Variants in KLHL3 observed in about 807,000 individuals in gnomAD.
KLHL3 encodes kelch-like protein 3.
KLHL3 carries 19 observed loss-of-function variants against 70.5 expected under a neutral mutation model. The observed-to-expected ratio is 0.27, with a 90% CI of 0.19 to 0.40. KLHL3 has a LOEUF of 0.40. Ranked by LOEUF, KLHL3 falls within the 10% of genes least tolerant of loss-of-function variation. The pLI is 1.00. For missense variants in KLHL3, 512 were observed against 771.1 expected (o/e 0.66, Z 3.98); for synonymous variants, 258 against 290.3 (o/e 0.89, Z 1.13).
At chr5:137,622,591 T>C (rs1377702041) in intron 14 of KLHL3, among the ~76,000 whole-genome samples, 1 of 152,252 alleles carries the variant, frequency 6.6e-6, no homozygotes, top group African/African-American at 2.4e-5. Context: ...ATTCCATTCC[T>C]AGCTCTGCCA....
chr5:137,688,815 G>T (rs1580763476), intron 5 of KLHL3, among the ~76,000 whole-genome samples: 2 of 152,216 alleles, frequency 1.3e-5, no homozygotes, highest in South Asian at 2.1e-4. Flanking sequence ...TTAGCATAGG[G>T]TATGACCCAA....
At chr5:137,706,013 G>A in intron 3 of KLHL3, 1 of 985,404 alleles carries the variant, frequency 1.0e-6, no homozygotes, top group Non-Finnish European at 1.2e-6. Flanking sequence ...TTATAGACTG[G>A]TTGGATTGGG....
At chr5:137,657,987 A>G in intron 8 of KLHL3, 144 bp downstream of exon 8, 1 of 727,976 alleles carries the variant, frequency 1.4e-6, no homozygotes, top group Non-Finnish European at 2.3e-6. Flanking sequence ...ATTCAAGAGG[A>G]ACCAGCAGAC....
intron 12 of KLHL3, among the ~76,000 whole-genome samples, chr5:137,632,827 C>T (rs1750670611): frequency 6.6e-6 from 1 of 152,102 alleles, no homozygotes; most frequent in Admixed American, 6.6e-5. Flanking sequence ...AAAACAACCC[C>T]ATTAAAAAGC....
chr5:137,722,173 T>C (rs1194831217), intron 1 of KLHL3, among the ~76,000 whole-genome samples: 1 of 152,244 alleles, frequency 6.6e-6, no homozygotes, highest in African/African-American at 2.4e-5. Context: ...GAGGCTTCTA[T>C]GCTTTAGAGT....
chr5:137,713,771 A>ATG (rs1396823386), intron 2 of KLHL3, among the ~76,000 whole-genome samples: 3 of 152,220 alleles, frequency 2.0e-5, no homozygotes, highest in Admixed American at 6.5e-5. Context: ...ATTTTTTGCA[A>ATG]ATCATCTACC....
At chr5:137,715,238 T>C (rs750786539) in intron 2 of KLHL3, among the ~76,000 whole-genome samples, 2 of 152,234 alleles carry the variant, frequency 1.3e-5, no homozygotes, top group Non-Finnish European at 2.9e-5. Flanking sequence ...ACTCATGAAT[T>C]GTGTGATTCA....
intron 6 of KLHL3, among the ~76,000 whole-genome samples, chr5:137,667,342 G>A (rs1751638166): frequency 6.6e-6 from 1 of 152,156 alleles, no homozygotes; most frequent in Admixed American, 6.5e-5. Flanking sequence ...ACTACTTTTT[G>A]TGATGAAATA....
chr5:137,707,402 C>T (rs1257965361), intron 3 of KLHL3: 1 of 151,946 alleles, frequency 6.6e-6, no homozygotes, highest in Non-Finnish European at 1.5e-5. Flanking sequence ...CACTATACTC[C>T]AGCCTGAGCA....
At chr5:137,680,096 T>C (rs549667498) in intron 5 of KLHL3, among the ~76,000 whole-genome samples, 1 of 152,162 alleles carries the variant, frequency 6.6e-6, no homozygotes, top group Admixed American at 6.5e-5. Flanking sequence ...TCCTGGGAAA[T>C]AGGATTTCCC....
intron 14 of KLHL3, among the ~76,000 whole-genome samples, chr5:137,623,685 C>A (rs1450582244): frequency 6.6e-6 from 1 of 152,206 alleles, no homozygotes; most frequent in African/African-American, 2.4e-5. Flanking sequence ...TAACAATAAT[C>A]ACAATCATTT....
chr5:137,628,369 C>G lies in KLHL3; in HGVS notation c.1519G>C (p.Val507Leu), dbSNP rs863225302. The change falls in exon 13 of 15, where the codon GTT (valine) becomes CTT (leucine). Residue 507 changes from valine to leucine, a missense_variant. Val to Leu is a conservative substitution (Grantham distance 32). Coordinates refer to ENST00000309755, the MANE Select transcript of KLHL3 (RefSeq NM_017415.3). ...TTTGTTCCAGGATCGTAAACCTCAA[C>G]GCTCTTCCTCACCAAAGGCCCATCA... is the stretch of plus-strand genomic sequence containing the variant. ...GHDGPLVRKS[V>L]EVYDPGTNTW... 1 of 1,614,188 alleles carries G rather than the reference C, an allele frequency of 6.2e-7. No homozygotes were observed. Among genetic ancestry groups the G allele is most frequent in the Non-Finnish European group, 8.5e-7 (1 of 1,180,028 alleles).
rs747378413 is a variant in KLHL3, at chr5:137,634,065, C to T, written c.1422G>A (p.Ala474=). ...NPATNEWIYV[A]DMSTRRSGAG... ...CGCCACTGCGGCGGGTGCTCATGTC[C>T]GCCACGTATATCCATTCATTGGTCG... Residue 474 remains alanine, a synonymous_variant, in exon 12 of 15, where the codon GCG becomes GCA. Coordinates refer to ENST00000309755, the MANE Select transcript of KLHL3 (RefSeq NM_017415.3). 22 of 1,614,098 alleles carry T rather than the reference C, an allele frequency of 1.4e-5. No individual in the cohort carries two copies. The highest frequency in any genetic ancestry group is 8.3e-5 in the Admixed American group (5 of 60,012).
intron 4 of KLHL3, among the ~76,000 whole-genome samples, chr5:137,697,390 C>G (rs1752471943): frequency 6.6e-6 from 1 of 152,176 alleles, no homozygotes; most frequent in Non-Finnish European, 1.5e-5. Flanking sequence ...TTTCGAACTC[C>G]TTACCTCAGG....
intron 5 of KLHL3, among the ~76,000 whole-genome samples, chr5:137,686,179 A>G (rs1358776652): frequency 6.6e-6 from 1 of 152,160 alleles, no homozygotes; most frequent in Non-Finnish European, 1.5e-5. Context: ...AGATAAAGAG[A>G]AAACAAAACC....
chr5:137,679,094 T>C (rs1246558435), intron 5 of KLHL3, among the ~76,000 whole-genome samples: 4 of 150,658 alleles, frequency 2.7e-5, no homozygotes, highest in Admixed American at 2.0e-4. Flanking sequence ...TAGATAGTAC[T>C]ATTTTTTAAG....
chr5:137,731,164 C>T (rs11949856), intron 1 of KLHL3, among the ~76,000 whole-genome samples: 27,631 of 152,170 alleles, frequency 0.18, 2,716 homozygotes, highest in African/African-American at 0.23. Flanking sequence ...TCCTAAAAAT[C>T]CAAATCTGGG....
intron 5 of KLHL3, among the ~76,000 whole-genome samples, chr5:137,687,277 G>A (rs1172658501): frequency 2.7e-5 from 1 of 36,608 alleles, no homozygotes; most frequent in African/African-American, 1.5e-4. Flanking sequence ...CGCCCTGTCC[G>A]GGAGGGAGGT....
At chr5:137,674,834 A>G (rs1275917015) in intron 6 of KLHL3, among the ~76,000 whole-genome samples, 1 of 152,262 alleles carries the variant, frequency 6.6e-6, no homozygotes, top group Non-Finnish European at 1.5e-5. Context: ...ATGTAATTAA[A>G]GGGCGTAGAA....
Sources: allele counts gnomAD v4.1 joint callset (sites outside exome capture counted in the v4.1 genomes callset), GRCh38; gene constraint gnomAD v4.1.1; transcripts MANE v1.5; gene names NCBI Gene and HGNC (gene_info 2026-07-23, HGNC 2026-07-21).